The following RGL1 variants were observed in gnomAD, a reference collection of about 807,000 sequenced individuals.
RGL1 encodes the protein ral guanine nucleotide dissociation stimulator like 1, also known as ral guanine nucleotide dissociation stimulator-like 1.
A neutral mutation model predicts 95.2 loss-of-function variants in RGL1; 24 were observed. The ratio of observed to expected loss-of-function variants is 0.25; its 90% CI spans 0.18 to 0.35. The LOEUF is 0.35. Ranked by LOEUF, RGL1 falls within the 10% of genes least tolerant of loss-of-function variation. RGL1 has a pLI of 1.00. For missense variants in RGL1, 715 were observed against 936.3 expected, an observed-to-expected ratio of 0.76 and a Z score of 3.08; for synonymous variants, 329 against 344.9, an observed-to-expected ratio of 0.95 and a Z score of 0.51.
intron 2 of RGL1, among the ~76,000 whole-genome samples, chr1:183,842,676 A>C (rs1450561088): frequency 6.6e-6 from 1 of 152,244 alleles, no homozygotes; most frequent in Non-Finnish European, 1.5e-5. Flanking sequence ...GTCTATGATT[A>C]AATCCAGATT....
chr1:183,730,174 T>A (rs1393377833), intron 1 of RGL1, among the ~76,000 whole-genome samples: 1 of 152,082 alleles, frequency 6.6e-6, no homozygotes, highest in Non-Finnish European at 1.5e-5. Flanking sequence ...CATCTTGGAG[T>A]CAGTAAAGGG....
At chr1:183,846,979 A>G (rs905527485) in intron 2 of RGL1, among the ~76,000 whole-genome samples, 1 of 152,200 alleles carries the variant, frequency 6.6e-6, no homozygotes, top group Non-Finnish European at 1.5e-5. Flanking sequence ...TGGTAAAATT[A>G]TATCAGCAAA....
chr1:183,895,228 A>G (rs1198157345), intron 9 of RGL1, among the ~76,000 whole-genome samples: 3 of 152,192 alleles, frequency 2.0e-5, no homozygotes, highest in African/African-American at 7.2e-5. Context: ...AAGTTAACCA[A>G]CATTTATGGA....
At chr1:183,646,199 A>C (rs1305715717) in intron 1 of RGL1, among the ~76,000 whole-genome samples, 1 of 152,232 alleles carries the variant, frequency 6.6e-6, no homozygotes, top group Non-Finnish European at 1.5e-5. Flanking sequence ...TACTTCTTTA[A>C]ATAATACTCA....
At chr1:183,718,079 T>C (rs1439526149) in intron 1 of RGL1, among the ~76,000 whole-genome samples, 2 of 152,022 alleles carry the variant, frequency 1.3e-5, no homozygotes, top group African/African-American at 4.8e-5. Context: ...ACCCTATCTC[T>C]ACTAAAAATA....
chr1:183,752,477 G>A (rs574938953), intron 2 of RGL1, among the ~76,000 whole-genome samples: 152 of 152,100 alleles, frequency 1.0e-3, no homozygotes, highest in African/African-American at 3.4e-3. Flanking sequence ...CGCCCACCTC[G>A]GCCTCCCAAA....
chr1:183,885,855 G>A (rs980813672), intron 7 of RGL1, among the ~76,000 whole-genome samples: 7 of 152,116 alleles, frequency 4.6e-5, no homozygotes, highest in African/African-American at 1.7e-4. Flanking sequence ...AATCATTTCT[G>A]ATGGGATGAT....
chr1:183,671,422 A>C (rs1408200809), intron 1 of RGL1, among the ~76,000 whole-genome samples: 1 of 152,250 alleles, frequency 6.6e-6, no homozygotes, highest in Admixed American at 6.5e-5. Context: ...TGTTTTCCAC[A>C]GTGATTTACC....
At position 183,893,830 on chromosome 1, in the gene RGL1, T is replaced by C. The variant is rs141649549; in HGVS notation, c.1140+1669T>C. Among the ~76,000 whole-genome samples the C allele has an allele frequency of 7.8e-3, 1,183 of 152,334 alleles. 14 individuals are homozygous for C. The highest frequency in any genetic ancestry group is 0.027 in the African/African-American group (1,116 of 41,562). On this transcript the variant is annotated intron_variant, in intron 9 of 17. Transcript: ENST00000360851. The stretch of plus-strand genomic sequence containing the variant: ...CTCTTGCAGGCAGGGGCTGTATGTA[T>C]CTTTTCACTTTGTATCCCTAATGCC...
chr1:183,835,957 C>T (rs1364000401), intron 2 of RGL1, among the ~76,000 whole-genome samples: 1 of 152,098 alleles, frequency 6.6e-6, no homozygotes, highest in East Asian at 1.9e-4. Context: ...GGGAATATTC[C>T]ATGATTGAAA....
chr1:183,883,938 A>G lies in RGL1; in HGVS notation c.735+28A>G. 2.5e-6 allele frequency: 4 copies of G among 1,611,802 alleles called. No homozygotes were observed. The Middle Eastern group carries it at 5.0e-4, about 200-fold the overall frequency. On this transcript the variant is annotated intron_variant, in intron 6 of 17. Coordinates refer to ENST00000360851, the MANE Select transcript of RGL1 (RefSeq NM_001297671.3). ...ATGTCTTCTCTTTGTGATCAGATGT[A>G]CTTTCACTTAAAACATAGGGGAGTG...
At chr1:183,749,218 G>A (rs952243638) in intron 2 of RGL1, among the ~76,000 whole-genome samples, 1 of 152,160 alleles carries the variant, frequency 6.6e-6, no homozygotes, top group Non-Finnish European at 1.5e-5. Flanking sequence ...CTGACAGTGG[G>A]TTGTTAAATC....
chr1:183,922,195 T>G (rs750919683), intron 16 of RGL1, 27 bp from the exon 17 acceptor site: 7 of 1,593,708 alleles, frequency 4.4e-6, no homozygotes, highest in Non-Finnish European at 5.2e-6. Context: ...GCTAAGTACT[T>G]TACAAACCTG....
Position 183,666,074 on chromosome 1 carries a change from C to T in RGL1, c.-33+29573C>T, listed in dbSNP as rs187827788. 2.7e-3 allele frequency among the ~76,000 whole-genome samples: 401 copies of T among 145,942 alleles called. 10 individuals are homozygous for T. Among genetic ancestry groups the T allele is most frequent in the Admixed American group, 0.026 (378 of 14,342 alleles). ...AGGCTGGAGTGCAATGGCGTGATCT[C>T]GGCTCACTGCAACCTCTGCCTCCTG... On this transcript the variant is annotated intron_variant, in intron 1 of 18. Transcript: ENST00000304685.
At chr1:183,721,496 G>C (rs528106846) in intron 1 of RGL1, among the ~76,000 whole-genome samples, 8 of 152,242 alleles carry the variant, frequency 5.3e-5, no homozygotes, top group African/African-American at 1.9e-4. Context: ...TCTTTCAAAG[G>C]CTCAATAGTA....
intron 11 of RGL1, among the ~76,000 whole-genome samples, chr1:183,900,915 A>G (rs1335969975): frequency 2.0e-5 from 3 of 151,914 alleles, no homozygotes; most frequent in Admixed American, 6.6e-5. Flanking sequence ...CTGTAATCCC[A>G]GCACTTTAAG....
intron 2 of RGL1, among the ~76,000 whole-genome samples, chr1:183,826,005 AAATCAATC>A (rs60184863): frequency 0.27 from 39,097 of 146,256 alleles, 5,753 homozygotes; most frequent in East Asian, 0.4. Flanking sequence ...TCTATTTTTA[AAATCAATC>A]AATCAATCAA....
At chr1:183,881,649 A>G (rs971865643) in intron 5 of RGL1, among the ~76,000 whole-genome samples, 2 of 152,238 alleles carry the variant, frequency 1.3e-5, no homozygotes, top group African/African-American at 4.8e-5. Flanking sequence ...AAGGGAAAGG[A>G]AATGTTCCTC....
chr1:183,840,700 A>AAAAT lies in RGL1; in HGVS notation c.139-6843_139-6840dup, dbSNP rs141108304. On this transcript the variant is annotated intron_variant, in intron 2 of 17. Transcript: ENST00000360851. Reference sequence around the variant, plus strand: ...CAATATAGCGAGGCCTTGTCTCTAAAAAATAAATAAATAAATAAATAAATA... The same window carrying AAAAT: ...CAATATAGCGAGGCCTTGTCTCTAAAAAATAAATAAATAAATAAATAAATAAATA... Among the ~76,000 whole-genome samples the AAAAT allele has an allele frequency of 2.3e-3, 349 of 150,852 alleles. 1 individual carries two copies. Among genetic ancestry groups the AAAAT allele is most frequent in the African/African-American group, 6.0e-3 (249 of 41,192 alleles).
Sources: allele counts gnomAD v4.1 joint callset (sites outside exome capture counted in the v4.1 genomes callset), GRCh38; gene constraint gnomAD v4.1.1; transcripts MANE v1.5; gene names NCBI Gene and HGNC (gene_info 2026-07-23, HGNC 2026-07-21).